PIGH: variants seen among roughly 807,000 people sequenced by gnomAD.
PIGH encodes phosphatidylinositol glycan anchor biosynthesis class H.
A neutral mutation model predicts 20.1 loss-of-function variants in PIGH; 11 were observed. The observed-to-expected ratio is 0.55, with a 90% CI of 0.34 to 0.91. PIGH has a LOEUF of 0.91. Among genes scored for constraint, PIGH ranks in the 40% least tolerant of loss-of-function variants. PIGH has a pLI of 0.02. For synonymous variants in PIGH, 72 were observed against 93.1 expected (o/e 0.77, Z 1.31); for missense variants, 189 against 233.6 (o/e 0.81, Z 1.24).
intron 1 of PIGH, among the ~76,000 whole-genome samples, chr14:67,599,172 T>G (rs1594811919): frequency 6.6e-6 from 1 of 152,208 alleles, no homozygotes; most frequent in East Asian, 1.9e-4. Flanking sequence ...CAAAAATAAA[T>G]AGCCCTGCTG....
chr14:67,597,156 C>G (rs150327665), intron 1 of PIGH, among the ~76,000 whole-genome samples: 1 of 152,326 alleles, frequency 6.6e-6, no homozygotes, highest in Admixed American at 6.5e-5. Flanking sequence ...CCCACAGAAC[C>G]TGCTATATTT....
chr14:67,593,392 G>A (rs192983519), intron 2 of PIGH: 3 of 266,494 alleles, frequency 1.1e-5, no homozygotes. Flanking sequence ...TCAGGAGGCT[G>A]AGGTGGGAGA....
Position 67,589,939 on chromosome 14 carries a change from T to C in PIGH, c.*141A>G. ...CTGAGTTAGATTTCCAGTCACCTGC[T>C]CTATGGCTCTAAGATGCACTACATC... On this transcript the variant is annotated 3_prime_UTR_variant, in exon 4 of 4. Transcript: ENST00000216452. 9 of 1,326,256 alleles carry C rather than the reference T, an allele frequency of 6.8e-6. No homozygotes were observed. The highest frequency in any genetic ancestry group is 7.7e-6 in the Non-Finnish European group (8 of 1,035,908). The allele number at this position is 1,326,256 out of a possible 1,614,324, so 82.2% of individuals were successfully genotyped here.
At position 67,593,751 on chromosome 14, in the gene PIGH, T is replaced by C; in HGVS notation, c.382A>G (p.Ile128Val). ...KVKDIVINEA[I>V]YMQKVIYYLC... ...ACCTTTTAAATACTTACCATGTAAATGGCCTCATTGATGACAATATCCTTG... is the reference window on the plus strand; with the variant it reads ...ACCTTTTAAATACTTACCATGTAAACGGCCTCATTGATGACAATATCCTTG... Residue 128 changes from isoleucine (I) to valine (V), a missense_variant, in exon 2 of 4, where the codon ATT (isoleucine) becomes GTT (valine). Coordinates refer to ENST00000216452, the MANE Select transcript of PIGH (RefSeq NM_004569.5). The C allele has an allele frequency of 6.2e-7, 1 of 1,601,934 alleles. No individual in the cohort carries two copies. The highest frequency in any genetic ancestry group is 1.3e-5 in the African/African-American group (1 of 74,768).
chr14:67,592,597 G>A (rs200777465), intron 3 of PIGH, 38 bp downstream of exon 3: 2 of 1,185,662 alleles, frequency 1.7e-6, no homozygotes, highest in East Asian at 4.7e-5. Context: ...AAAAGGTTGA[G>A]GAGTAATTGG....
intron 1 of PIGH, among the ~76,000 whole-genome samples, chr14:67,595,118 C>A (rs1176217621): frequency 6.7e-6 from 1 of 149,984 alleles, no homozygotes; most frequent in Admixed American, 6.8e-5. Flanking sequence ...GCCTGGGTGA[C>A]AGAGCGAGAC....
chr14:67,596,915 A>G (rs1054412826), intron 1 of PIGH, among the ~76,000 whole-genome samples: 3 of 152,190 alleles, frequency 2.0e-5, no homozygotes, highest in Non-Finnish European at 4.4e-5. Context: ...CCCCTACTGT[A>G]ATAGTTCCTG....
chr14:67,598,257 C>A (rs2036509908), intron 1 of PIGH, among the ~76,000 whole-genome samples: 1 of 152,204 alleles, frequency 6.6e-6, no homozygotes, highest in East Asian at 1.9e-4. Context: ...AAGGAAGATG[C>A]GGTCACTGAT....
rs11547225 is a variant in PIGH at position 67,600,232 on chromosome 14, G to C, written c.-29C>G. The C allele has an allele frequency of 3.2e-6, 5 of 1,538,966 alleles. No homozygotes were observed. The highest frequency in any genetic ancestry group is 1.4e-5 in the African/African-American group (1 of 72,800). On this transcript the variant is annotated 5_prime_UTR_variant, in exon 1 of 4. Coordinates refer to ENST00000216452, the MANE Select transcript of PIGH (RefSeq NM_004569.5). ...GCCCCCACTCGGCCGCCCGCACCGC[G>C]CGGCGCTGCACTGCGCTCGCCGGCC...
rs182279145 is a variant in PIGH at position 67,598,190 on chromosome 14, G to A, written c.180+1834C>T. 6.5e-4 allele frequency among the ~76,000 whole-genome samples: 99 copies of A among 152,256 alleles called. 1 individual carries two copies. Among genetic ancestry groups the A allele is most frequent in the Admixed American group, 2.2e-3 (33 of 15,282 alleles). Reference sequence around the variant, plus strand: ...TTACTCTCATAAACAGTTTTGAATAGGAAAGGTAAGAAATTTTGGCACACA... The same window carrying A: ...TTACTCTCATAAACAGTTTTGAATAAGAAAGGTAAGAAATTTTGGCACACA... On this transcript the variant is annotated intron_variant, in intron 1 of 3. Transcript: ENST00000216452.
intron 1 of PIGH, among the ~76,000 whole-genome samples, chr14:67,598,054 C>G (rs2036506445): frequency 6.6e-6 from 1 of 152,106 alleles, no homozygotes. Context: ...TTTTTTTCAA[C>G]TTCATTTTTC....
intron 1 of PIGH, among the ~76,000 whole-genome samples, chr14:67,599,412 G>C (rs1203055743): frequency 6.6e-6 from 1 of 152,180 alleles, no homozygotes; most frequent in Non-Finnish European, 1.5e-5. Context: ...TCTGGAAATT[G>C]AGCACAGCTA....
Position 67,600,134 on chromosome 14 carries a change from G to A in PIGH, c.70C>T (p.Pro24Ser), listed in dbSNP as rs921754689. The A allele has an allele frequency of 3.1e-6, 5 of 1,595,332 alleles. No homozygotes were observed. The highest frequency in any genetic ancestry group is 1.7e-5 in the Admixed American group (1 of 57,684). Residue 24 changes from proline (P) to serine (S), a missense_variant, in exon 1 of 4, where the codon CCG becomes TCG. Coordinates refer to ENST00000216452, the MANE Select transcript of PIGH (RefSeq NM_004569.5). The part of the protein sequence containing the change: ...RLALQRRYYS[P>S]SCREFCLSCP... Reference sequence around the variant, plus strand: ...CTGAGGCAGAATTCCCGGCAGGACGGGGAGTAGTAGCGGCGCTGCAGCGCC... The same window carrying A: ...CTGAGGCAGAATTCCCGGCAGGACGAGGAGTAGTAGCGGCGCTGCAGCGCC...
intron 3 of PIGH, among the ~76,000 whole-genome samples, chr14:67,590,506 G>A (rs1417479489): frequency 1.3e-5 from 2 of 152,006 alleles, no homozygotes; most frequent in East Asian, 3.9e-4. Flanking sequence ...CTACAGGCAC[G>A]AACCACCATG....
intron 3 of PIGH, 23 bp from the exon 4 acceptor site, chr14:67,590,195 G>A: frequency 6.5e-7 from 1 of 1,543,556 alleles, no homozygotes; most frequent in Non-Finnish European, 8.7e-7. Context: ...GGGGAGAAAT[G>A]CGGAGTCAAG....
chr14:67,590,249 A>AT (rs34186099), intron 3 of PIGH, 77 bp from the exon 4 acceptor site: 32,177 of 730,570 alleles, frequency 0.044, 95 homozygotes, highest in African/African-American at 0.069. Context: ...CCACTTGCAA[A>AT]TTTTTTTTTT....
intron 1 of PIGH, 28 bp downstream of exon 1, chr14:67,599,996 G>A: frequency 6.5e-7 from 1 of 1,531,058 alleles, no homozygotes; most frequent in Non-Finnish European, 8.8e-7. Flanking sequence ...CCTCCTTCGA[G>A]CGCGGGGAGG....
rs764728935 is a variant in PIGH, at chr14:67,594,770, CAAAT to C, written c.181-822_181-819del. ...GCATTTAATATTTAGTTCTAGCACTCAAATAAAAAATTAAAATTAAAAAATGCAT... is the reference window on the plus strand; with the variant it reads ...GCATTTAATATTTAGTTCTAGCACTCAAAAAATTAAAATTAAAAAATGCAT... On this transcript the variant is annotated intron_variant, in intron 1 of 3. Coordinates refer to ENST00000216452, the MANE Select transcript of PIGH (RefSeq NM_004569.5). Among the ~76,000 whole-genome samples the C allele has an allele frequency of 7.2e-5, 11 of 152,186 alleles. No individual in the cohort carries two copies. The East Asian group carries it at 7.7e-4, about 11-fold the overall frequency.
intron 1 of PIGH, among the ~76,000 whole-genome samples, chr14:67,595,006 A>G (rs1293468789): frequency 6.6e-6 from 1 of 151,894 alleles, no homozygotes; most frequent in African/African-American, 2.4e-5. Flanking sequence ...GCGTAGTGGC[A>G]GGCACCTGTA....
Sources: gnomAD v4.1 joint callset for allele counts (sites outside exome capture counted in the v4.1 genomes callset) on GRCh38, gnomAD v4.1.1 for gene constraint, MANE v1.5 for transcripts, NCBI Gene and HGNC (gene_info 2026-07-23, HGNC 2026-07-21) for gene names.